The following GABBR2 variants were observed in gnomAD, a reference collection of about 807,000 sequenced individuals.
GABBR2 encodes G-protein coupled receptor 51.
Under a neutral mutation model 105.6 loss-of-function variants are expected in GABBR2, and 23 were observed. The ratio of observed to expected loss-of-function variants is 0.22; its 90% CI spans 0.16 to 0.31. The LOEUF (loss-of-function observed/expected upper bound fraction) is 0.31. Ranked by LOEUF, GABBR2 falls within the 10% of genes least tolerant of loss-of-function variation. GABBR2 has a pLI of 1.00. For synonymous variants in GABBR2, 478 were observed against 499.7 expected (o/e 0.96, Z 0.58); for missense variants, 734 against 1,245.5 (o/e 0.59, Z 6.18).
chr9:98,577,420 C>A (rs67703533), intron 2 of GABBR2, among the ~76,000 whole-genome samples: 31,530 of 152,126 alleles, frequency 0.21, 3,628 homozygotes, highest in African/African-American at 0.31. Flanking sequence ...GGCAAGGAGA[C>A]CAGGAAAGAC....
chr9:98,335,840 T>C (rs201091444), intron 13 of GABBR2, among the ~76,000 whole-genome samples: 2 of 152,008 alleles, frequency 1.3e-5, no homozygotes, highest in Non-Finnish European at 2.9e-5. Flanking sequence ...AGCTTGTCCA[T>C]CATCCATTCA....
At chr9:98,430,632 A>C (rs1825790817) in intron 7 of GABBR2, among the ~76,000 whole-genome samples, 2 of 152,104 alleles carry the variant, frequency 1.3e-5, no homozygotes, top group East Asian at 3.9e-4. Flanking sequence ...TGTGCCAGTA[A>C]GTACTCAGCT....
At chr9:98,603,068 C>A (rs952839035) in intron 1 of GABBR2, among the ~76,000 whole-genome samples, 2 of 152,208 alleles carry the variant, frequency 1.3e-5, no homozygotes, top group Non-Finnish European at 2.9e-5. Context: ...GGGACTACTG[C>A]TGGTATTCTT....
chr9:98,305,805 A>AG (rs1365304306), intron 15 of GABBR2, among the ~76,000 whole-genome samples: 6 of 145,792 alleles, frequency 4.1e-5, no homozygotes, highest in East Asian at 2.0e-4. Flanking sequence ...TGGCAGAGTG[A>AG]GGGAAAAAAA....
At chr9:98,489,377 G>A (rs535612156) in intron 4 of GABBR2, among the ~76,000 whole-genome samples, 3 of 152,300 alleles carry the variant, frequency 2.0e-5, no homozygotes, top group East Asian at 1.9e-4. Context: ...CAGCGCTGAC[G>A]CAGGCAAGCA....
intron 13 of GABBR2, among the ~76,000 whole-genome samples, chr9:98,352,817 C>T: frequency 6.6e-6 from 1 of 152,038 alleles, no homozygotes; most frequent in East Asian, 1.9e-4. Context: ...GGCTAGAGTC[C>T]TGGGGACCCG....
intron 3 of GABBR2, among the ~76,000 whole-genome samples, chr9:98,526,857 T>G (rs1358833823): frequency 6.6e-6 from 1 of 152,068 alleles, no homozygotes; most frequent in Non-Finnish European, 1.5e-5. Flanking sequence ...TTAGCATGCA[T>G]AGCTAAATAG....
intron 1 of GABBR2, among the ~76,000 whole-genome samples, chr9:98,648,008 C>T (rs1388191141): frequency 6.6e-6 from 1 of 150,578 alleles, no homozygotes; most frequent in Non-Finnish European, 1.5e-5. Context: ...AAGAAACCTG[C>T]CAACAGTCAT....
chr9:98,650,551 A>C (rs1459159365), intron 1 of GABBR2, among the ~76,000 whole-genome samples: 1 of 152,182 alleles, frequency 6.6e-6, no homozygotes, highest in Non-Finnish European at 1.5e-5. Context: ...CAACAAATAA[A>C]TTCCAACGGA....
chr9:98,398,332 C>CCA (rs1554700491), intron 8 of GABBR2, among the ~76,000 whole-genome samples: 18 of 151,828 alleles, frequency 1.2e-4, no homozygotes, highest in African/African-American at 3.9e-4. Context: ...ACCCACCCCC[C>CCA]AAACTCAGGC....
chr9:98,294,179 T>G (rs946114030), intron 17 of GABBR2, among the ~76,000 whole-genome samples: 1 of 152,098 alleles, frequency 6.6e-6, no homozygotes, highest in South Asian at 2.1e-4. Context: ...GAAAATCAAG[T>G]CGACTAATGT....
chr9:98,682,236 A>AC (rs1237862625), intron 1 of GABBR2, among the ~76,000 whole-genome samples: 4 of 151,774 alleles, frequency 2.6e-5, no homozygotes, highest in African/African-American at 7.3e-5. Flanking sequence ...CTCAGAAAAA[A>AC]AAAACAAAAC....
chr9:98,656,766 G>T (rs1233172369), intron 1 of GABBR2, among the ~76,000 whole-genome samples: 2 of 152,158 alleles, frequency 1.3e-5, no homozygotes, highest in Non-Finnish European at 2.9e-5. Flanking sequence ...CACATTTCCA[G>T]AACACATTTA....
intron 6 of GABBR2, among the ~76,000 whole-genome samples, chr9:98,470,698 C>T (rs769271812): frequency 6.6e-6 from 1 of 152,192 alleles, no homozygotes; most frequent in African/African-American, 2.4e-5. Context: ...TAGAATCCAA[C>T]CTTGCACTGG....
chr9:98,437,639 T>C (rs62574620), intron 7 of GABBR2, among the ~76,000 whole-genome samples: 39,567 of 142,648 alleles, frequency 0.28, 5,731 homozygotes, highest in East Asian at 0.55. Context: ...GCCATCTTCC[T>C]GTTAATCCAT....
chr9:98,330,988 A>G (rs1167844734), intron 13 of GABBR2, among the ~76,000 whole-genome samples: 1 of 152,210 alleles, frequency 6.6e-6, no homozygotes, highest in African/African-American at 2.4e-5. Context: ...TTACACCAAT[A>G]GAATCATACA....
chr9:98,560,464 T>C (rs1202027922), intron 2 of GABBR2, among the ~76,000 whole-genome samples: 3 of 144,698 alleles, frequency 2.1e-5, no homozygotes, highest in Non-Finnish European at 4.6e-5. Flanking sequence ...CATATATACA[T>C]GCACACACAC....
Position 98,311,107 on chromosome 9 carries a change from C to T in GABBR2, c.1992G>A (p.Lys664=), listed in dbSNP as rs1221811623. The T allele has an allele frequency of 1.3e-6, 2 of 1,591,300 alleles. No individual in the cohort carries two copies. Among genetic ancestry groups the T allele is most frequent in the African/African-American group, 2.7e-5 (2 of 74,432 alleles). ...GCTCTGCACCTACCATGAGAAGTCCCTTGTAGGCATAGACGATGCCAAGCC... is the reference window on the plus strand; with the variant it reads ...GCTCTGCACCTACCATGAGAAGTCCTTTGTAGGCATAGACGATGCCAAGCC... ...TIWLGIVYAY[K]GLLMLFGCFL... is the part of the protein sequence containing the mutation. The change falls in exon 14 of 19, where the codon AAG becomes AAA. Residue 664 remains lysine, a synonymous_variant. Transcript: ENST00000259455.
chr9:98,687,094 G>T (rs2131875313), intron 1 of GABBR2, among the ~76,000 whole-genome samples: 1 of 152,064 alleles, frequency 6.6e-6, no homozygotes, highest in South Asian at 2.1e-4. Flanking sequence ...GGCTGTCAAA[G>T]AAGCCAGATC....
Sources: gnomAD v4.1 joint callset for allele counts (sites outside exome capture counted in the v4.1 genomes callset) on GRCh38, gnomAD v4.1.1 for gene constraint, MANE v1.5 for transcripts, NCBI Gene and HGNC (gene_info 2026-07-23, HGNC 2026-07-21) for gene names.